GRAMD2B: variants seen among roughly 807,000 people sequenced by gnomAD.
The protein encoded by GRAMD2B is GRAM domain-containing protein 2B.
Under a neutral mutation model 59.2 loss-of-function variants are expected in GRAMD2B, and 41 were observed. The ratio of observed to expected loss-of-function variants is 0.69; its 90% CI spans 0.54 to 0.90. The LOEUF is 0.90. Among genes scored for constraint, GRAMD2B ranks in the 40% least tolerant of loss-of-function variants. The pLI is 0.00. For missense variants in GRAMD2B, 424 were observed against 500.5 expected (o/e 0.85, Z 1.46); for synonymous variants, 161 against 182.7 (o/e 0.88, Z 0.96).
chr5:126,466,641 G>A (rs1768479810), intron 2 of GRAMD2B, among the ~76,000 whole-genome samples: 2 of 152,156 alleles, frequency 1.3e-5, no homozygotes, highest in Non-Finnish European at 2.9e-5. Flanking sequence ...GACCAGGTTG[G>A]TCTTGAACTC....
At chr5:126,483,647 AAAAAAG>A in intron 9 of GRAMD2B, 73 bp downstream of exon 9, 1 of 746,840 alleles carries the variant, frequency 1.3e-6, no homozygotes, top group East Asian at 2.8e-5. Context: ...CCCTTAAAAA[AAAAAAG>A]AAAAGAAAAG....
chr5:126,392,356 C>T (rs774765933), intron 1 of GRAMD2B, among the ~76,000 whole-genome samples: 4 of 152,094 alleles, frequency 2.6e-5, no homozygotes, highest in Non-Finnish European at 5.9e-5. Flanking sequence ...CATGTACAGG[C>T]TTCCTTAGGC....
At chr5:126,453,022 A>G (rs1765638953) in intron 1 of GRAMD2B, among the ~76,000 whole-genome samples, 1 of 152,228 alleles carries the variant, frequency 6.6e-6, no homozygotes, top group East Asian at 1.9e-4. Flanking sequence ...AATATATCTT[A>G]GGTATATGAA....
At chr5:126,392,744 C>T (rs1423938489) in intron 1 of GRAMD2B, among the ~76,000 whole-genome samples, 2 of 151,962 alleles carry the variant, frequency 1.3e-5, no homozygotes, top group East Asian at 1.9e-4. Flanking sequence ...GGATGGGAAA[C>T]GGTTTCATGA....
intron 1 of GRAMD2B, among the ~76,000 whole-genome samples, chr5:126,389,914 C>T (rs1262652292): frequency 6.6e-6 from 1 of 152,080 alleles, no homozygotes; most frequent in Non-Finnish European, 1.5e-5. Flanking sequence ...TGCCACTGCA[C>T]TCCAACCTGC....
At chr5:126,364,124 T>C (rs2149684110) in intron 1 of GRAMD2B, among the ~76,000 whole-genome samples, 1 of 152,370 alleles carries the variant, frequency 6.6e-6, no homozygotes, top group East Asian at 1.9e-4. Context: ...TTAAAGTCTT[T>C]ACAAATACTA....
In GRAMD2B at chr5:126,406,943, T is replaced by C. The variant is rs1013407671; in HGVS notation, c.125+35376T>C. 5.3e-5 allele frequency among the ~76,000 whole-genome samples: 8 copies of C among 152,160 alleles called. No individual in the cohort carries two copies. In the Middle Eastern group the frequency reaches 0.01, roughly 194 times the overall value. ...TGGTTCTGAAAGCCAAGATAAGTAA[T>C]AACAATAACAAACTCTGTATTGGAT... On this transcript the variant is annotated intron_variant, in intron 1 of 8. Transcript: ENST00000506445.
chr5:126,386,892 AAC>A (rs536168570), intron 1 of GRAMD2B, among the ~76,000 whole-genome samples: 177 of 152,310 alleles, frequency 1.2e-3, no homozygotes, highest in Non-Finnish European at 1.6e-3. Context: ...TCACTGTAAA[AAC>A]ACAGTTGGAA....
upstream of GRAMD2B, among the ~76,000 whole-genome samples, chr5:126,422,362 C>A (rs898701713): frequency 4.6e-5 from 7 of 152,102 alleles, no homozygotes; most frequent in Admixed American, 4.6e-4. Flanking sequence ...CCTCACCCAG[C>A]TAATTTTTGT....
Position 126,480,685 on chromosome 5 carries a change from A to ACCGC in GRAMD2B, c.716_719dup (p.Ser241ProfsTer10). Reference sequence around the variant, plus strand: ...TCTGCTGAAAACAGTTTCCGAGCAGACCGCCCTTCATCTCTGCCTCTGGTA... The same window carrying ACCGC: ...TCTGCTGAAAACAGTTTCCGAGCAGACCGCCCGCCCTTCATCTCTGCCTCTGGTA... On this transcript the variant is annotated frameshift_variant, in exon 8 of 14. Transcript: ENST00000285689. LOFTEE classifies it high-confidence loss of function. 1 of 1,614,084 alleles carries ACCGC rather than the reference A, an allele frequency of 6.2e-7. No individual in the cohort carries two copies. Among genetic ancestry groups the ACCGC allele is most frequent in the Non-Finnish European group, 8.5e-7 (1 of 1,179,954 alleles).
chr5:126,380,337 T>C (rs947714699), intron 1 of GRAMD2B, among the ~76,000 whole-genome samples: 15 of 152,200 alleles, frequency 9.9e-5, no homozygotes, highest in Non-Finnish European at 1.5e-4. Flanking sequence ...AGTCAGGTAA[T>C]GTGATGCCTC....
intron 1 of GRAMD2B, among the ~76,000 whole-genome samples, chr5:126,392,311 C>T (rs1756890125): frequency 6.6e-6 from 1 of 152,180 alleles, no homozygotes; most frequent in Admixed American, 6.5e-5. Context: ...AGGTGGATCA[C>T]AGGGGGAAAG....
chr5:126,419,203 G>A (rs1759503148), upstream of GRAMD2B, among the ~76,000 whole-genome samples: 1 of 152,156 alleles, frequency 6.6e-6, no homozygotes, highest in African/African-American at 2.4e-5. Context: ...ATCAGCCATG[G>A]TTCTGTGGGC....
At chr5:126,403,257 A>C (rs1359582876) in intron 1 of GRAMD2B, among the ~76,000 whole-genome samples, 1 of 152,048 alleles carries the variant, frequency 6.6e-6, no homozygotes, top group African/African-American at 2.4e-5. Context: ...GCTAACCCAG[A>C]AAAGTTTGCT....
intron 6 of GRAMD2B, among the ~76,000 whole-genome samples, chr5:126,478,409 GC>G: frequency 6.6e-6 from 1 of 152,254 alleles, no homozygotes; most frequent in East Asian, 1.9e-4. Flanking sequence ...CTGCACTCCA[GC>G]CTGGGCAACA....
At chr5:126,421,457 GA>G (rs1349968353), upstream of GRAMD2B, among the ~76,000 whole-genome samples, 1 of 152,104 alleles carries the variant, frequency 6.6e-6, no homozygotes, top group Non-Finnish European at 1.5e-5. Context: ...TCCCCAGGAA[GA>G]GGCAACTATG....
chr5:126,447,630 C>G (rs192410729), intron 1 of GRAMD2B, among the ~76,000 whole-genome samples: 284 of 149,424 alleles, frequency 1.9e-3, no homozygotes, highest in African/African-American at 6.4e-3. Context: ...TGCCACTGCA[C>G]TCCAGCCTGG....
chr5:126,449,600 C>T (rs1276071129), intron 1 of GRAMD2B, among the ~76,000 whole-genome samples: 2 of 152,130 alleles, frequency 1.3e-5, no homozygotes, highest in Non-Finnish European at 2.9e-5. Context: ...AAATCAAAGC[C>T]TTTTACATAA....
Position 126,493,019 on chromosome 5 carries a change from A to G in GRAMD2B, c.*63A>G, listed in dbSNP as rs1228411260. ...TTCCCTTTGAAGAAGGTGCTTCCTG[A>G]GGCGTTTTGTTTGAGTGCACCCTGC... On this transcript the variant is annotated 3_prime_UTR_variant, in exon 14 of 14. Transcript: ENST00000285689. The G allele has an allele frequency of 6.4e-6, 9 of 1,416,340 alleles. No individual in the cohort carries two copies. The highest frequency in any genetic ancestry group is 7.0e-6 in the Non-Finnish European group (7 of 1,004,248). 87.7% of individuals were successfully genotyped at this position (1,416,340 alleles called of 1,614,324 possible). A position where few individuals can be genotyped will look rare whatever the true frequency, so the allele number is the denominator to read the frequency against.
Sources: allele counts gnomAD v4.1 joint callset (sites outside exome capture counted in the v4.1 genomes callset), GRCh38; gene constraint gnomAD v4.1.1; transcripts MANE v1.5; gene names NCBI Gene and HGNC (gene_info 2026-07-23, HGNC 2026-07-21).